FAM107A: variants seen among roughly 807,000 people sequenced by gnomAD.
FAM107A encodes the protein family with sequence similarity 107 member A, also known as actin-associated protein FAM107A.
Under a neutral mutation model 13.7 loss-of-function variants are expected in FAM107A, and 19 were observed. That is an observed-to-expected ratio of 1.38 (90% CI 0.97 to 2.03). The LOEUF is 2.03. FAM107A is among the 30% of genes most tolerant of loss of function. The pLI, the probability that FAM107A is intolerant of heterozygous loss-of-function variation, is 0.00. For synonymous variants in FAM107A, 82 were observed against 74.5 expected, an observed-to-expected ratio of 1.10 and a Z score of -0.52; for missense variants, 203 against 184.4, an observed-to-expected ratio of 1.10 and a Z score of -0.58.
chr3:58,599,212 G>A (rs903181512), intron 1 of FAM107A, among the ~76,000 whole-genome samples: 1 of 152,156 alleles, frequency 6.6e-6, no homozygotes, highest in African/African-American at 2.4e-5. Flanking sequence ...AAAGTGCTGG[G>A]ATTATAGGCA....
chr3:58,611,587 G>T (rs986058620), intron 1 of FAM107A, among the ~76,000 whole-genome samples: 1 of 152,240 alleles, frequency 6.6e-6, no homozygotes, highest in Non-Finnish European at 1.5e-5. Context: ...TTCAGGGATT[G>T]CTTCCTGGGT....
chr3:58,606,978 A>G (rs1052255535), intron 1 of FAM107A: 2 of 152,172 alleles, frequency 1.3e-5, no homozygotes, highest in Admixed American at 6.5e-5. Flanking sequence ...GGTCCTGAAG[A>G]CTTCATTTAA....
chr3:58,574,383 C>G (rs1266541703), intron 1 of FAM107A: 1 of 152,148 alleles, frequency 6.6e-6, no homozygotes, highest in Non-Finnish European at 1.5e-5. Context: ...CTAGGTGATT[C>G]CTAGAGTCAG....
At chr3:58,578,457 AC>A (rs1212404485), upstream of FAM107A, among the ~76,000 whole-genome samples, 1 of 150,962 alleles carries the variant, frequency 6.6e-6, no homozygotes, top group African/African-American at 2.4e-5. Context: ...AATCCCAGCT[AC>A]CTGGGAGGCT....
chr3:58,567,426 G>A, intron 2 of FAM107A, 62 bp from the exon 3 acceptor site: 1 of 1,539,040 alleles, frequency 6.5e-7, no homozygotes, highest in Non-Finnish European at 8.8e-7. Context: ...CCAGCCTCAG[G>A]GCTGCTTCCT....
chr3:58,596,321 G>A (rs2065706927), intron 1 of FAM107A, among the ~76,000 whole-genome samples: 1 of 152,190 alleles, frequency 6.6e-6, no homozygotes, highest in Non-Finnish European at 1.5e-5. Flanking sequence ...ATCTGCCATA[G>A]TCTTCCCCAT....
Position 58,566,690 on chromosome 3 carries a change from T to C in FAM107A, c.333A>G (p.Glu111=). Residue 111 remains glutamate, a synonymous_variant, in exon 4 of 4, where the codon GAA becomes GAG. Transcript: ENST00000360997. ...GATCCTCTTCCTTCTCTGGTGGTTT[T>C]TCCAGCTGAAGGAGGGAGAAGCAGA... ...LRRQQRLNQL[E]KPPEKEEDHA... is the part of the protein sequence containing the mutation. The C allele has an allele frequency of 1.9e-6, 3 of 1,612,990 alleles. No individual in the cohort carries two copies. The highest frequency in any genetic ancestry group is 2.5e-6 in the Non-Finnish European group (3 of 1,179,046).
upstream of FAM107A, among the ~76,000 whole-genome samples, chr3:58,579,726 C>T (rs893797023): frequency 3.9e-5 from 6 of 152,278 alleles, no homozygotes; most frequent in East Asian, 1.9e-4. Context: ...TGCTCATCCC[C>T]GGAGAAGACA....
At chr3:58,580,853 C>A (rs920037943), upstream of FAM107A, among the ~76,000 whole-genome samples, 2 of 152,094 alleles carry the variant, frequency 1.3e-5, no homozygotes, top group African/African-American at 4.8e-5. Flanking sequence ...AAAAAAAAGG[C>A]CCTAGCATAT....
chr3:58,574,545 C>G (rs1269188195), intron 1 of FAM107A, among the ~76,000 whole-genome samples: 1 of 152,158 alleles, frequency 6.6e-6, no homozygotes, highest in African/African-American at 2.4e-5. Flanking sequence ...TTGGGATGGT[C>G]TCTAACCTCT....
upstream of FAM107A, chr3:58,577,557 T>G (rs955554002): frequency 3.0e-6 from 3 of 985,326 alleles, no homozygotes; most frequent in Non-Finnish European, 3.6e-6. This position sits in a 1 kb window ranked among gnomAD's most constrained non-coding sequence, Gnocchi z 4.9. Flanking sequence ...ACTTCCACGA[T>G]GCGGAACATC....
At chr3:58,596,550 G>A (rs533610263) in intron 1 of FAM107A, among the ~76,000 whole-genome samples, 1 of 152,098 alleles carries the variant, frequency 6.6e-6, no homozygotes, top group East Asian at 1.9e-4. Context: ...CTGGTGATGG[G>A]TGCCTGTAAT....
At chr3:58,588,184 C>G (rs2065625925), upstream of FAM107A, among the ~76,000 whole-genome samples, 1 of 152,220 alleles carries the variant, frequency 6.6e-6, no homozygotes, top group Admixed American at 6.5e-5. Context: ...AAAACTTAAG[C>G]CCCTGAAATC....
At chr3:58,573,967 A>T (rs1042250952) in intron 1 of FAM107A, among the ~76,000 whole-genome samples, 1 of 152,214 alleles carries the variant, frequency 6.6e-6, no homozygotes, top group Non-Finnish European at 1.5e-5. Context: ...AACTTGTGAT[A>T]TCATAAACGA....
chr3:58,584,443 C>T (rs2065581610), intron 1 of FAM107A, among the ~76,000 whole-genome samples: 1 of 152,186 alleles, frequency 6.6e-6, no homozygotes, highest in Non-Finnish European at 1.5e-5. Flanking sequence ...TGACTATCCT[C>T]AGAAGGTGTG....
chr3:58,626,290 AG>A (rs1180074065), intron 1 of FAM107A, among the ~76,000 whole-genome samples: 1 of 152,148 alleles, frequency 6.6e-6, no homozygotes, highest in Non-Finnish European at 1.5e-5. Flanking sequence ...TCCCCACCCC[AG>A]GATGCTGACG....
chr3:58,589,287 GTAGGTGGAGTTGAGGACCCT>G, upstream of FAM107A: 1 of 1,508,864 alleles, frequency 6.6e-7, no homozygotes, highest in Non-Finnish European at 8.9e-7. Flanking sequence ...CAGAAAGAAA[GTAGGTGGAGTTGAGGACCCT>G]TGGTTCTTTG....
intron 1 of FAM107A, among the ~76,000 whole-genome samples, chr3:58,603,203 A>G (rs2065766552): frequency 6.6e-6 from 1 of 152,168 alleles, no homozygotes; most frequent in African/African-American, 2.4e-5. Flanking sequence ...CCATACCAAC[A>G]CTGTCCCCTG....
intron 1 of FAM107A, among the ~76,000 whole-genome samples, chr3:58,593,398 A>T (rs1466524875): frequency 1.3e-5 from 2 of 152,062 alleles, no homozygotes; most frequent in Admixed American, 1.3e-4. Context: ...CCTATTCACC[A>T]TTCTCAACTA....
Sources: gnomAD v4.1 joint callset for allele counts (sites outside exome capture counted in the v4.1 genomes callset) on GRCh38, gnomAD v4.1.1 for gene constraint, Gnocchi (gnomAD v3.1) non-coding constraint, MANE v1.5 for transcripts, NCBI Gene and HGNC (gene_info 2026-07-23, HGNC 2026-07-21) for gene names.